PFKL: variants seen among roughly 807,000 people sequenced by gnomAD.
PFKL encodes phosphofructokinase, liver type, also known as ATP-dependent 6-phosphofructokinase, liver type.
In PFKL, 74 loss-of-function variants were observed where a neutral mutation model predicts 92.1. The observed-to-expected ratio is 0.80, with a 90% CI of 0.67 to 0.97. PFKL has a LOEUF of 0.97. PFKL is among the 50% of genes least tolerant of loss of function. PFKL has a pLI of 0.00. For missense variants in PFKL, 1,028 were observed against 1,116.6 expected (o/e 0.92, Z 1.13); for synonymous variants, 494 against 456.4 (o/e 1.08, Z -1.05).
At chr21:44,326,298 G>T in intron 21 of PFKL, 34 bp downstream of exon 21, 2 of 1,498,946 alleles carry the variant, frequency 1.3e-6, no homozygotes, top group South Asian at 2.3e-5. Flanking sequence ...GAGGCGGGTG[G>T]GGCTGAGGGG....
chr21:44,316,398 G>A, intron 8 of PFKL, 34 bp from the exon 9 acceptor site: 1 of 1,612,186 alleles, frequency 6.2e-7, no homozygotes, highest in Non-Finnish European at 8.5e-7. Context: ...GTGTGGGCTG[G>A]GGCTCAGGGC....
intron 18 of PFKL, 76 bp downstream of exon 18, chr21:44,324,993 C>A: frequency 7.0e-7 from 1 of 1,426,730 alleles, no homozygotes; most frequent in Non-Finnish European, 9.7e-7. Flanking sequence ...TGAGGAGCGG[C>A]TGGGCAGGAG....
At chr21:44,308,962 G>A (rs529088405) in intron 2 of PFKL, among the ~76,000 whole-genome samples, 30 of 152,250 alleles carry the variant, frequency 2.0e-4, no homozygotes, top group African/African-American at 6.7e-4. Flanking sequence ...TTCTTCCTAC[G>A]ATGACCTCAG....
At chr21:44,318,201 C>T (rs1484406053) in intron 9 of PFKL, among the ~76,000 whole-genome samples, 4 of 152,340 alleles carry the variant, frequency 2.6e-5, no homozygotes, top group South Asian at 2.1e-4. Flanking sequence ...CAGCGAGCGA[C>T]GGTGGGTGGG....
chr21:44,325,048 C>T, intron 18 of PFKL, 105 bp from the exon 19 acceptor site: 3 of 1,186,326 alleles, frequency 2.5e-6, no homozygotes, highest in Non-Finnish European at 3.7e-6. Flanking sequence ...GGCGGCTTTC[C>T]TGGGAGCTGC....
In PFKL at chr21:44,324,504, TCAAA is replaced by T. The variant is rs1161208477; in HGVS notation, c.1667_1670del (p.Lys556SerfsTer26). 3 of 1,613,230 alleles carry T rather than the reference TCAAA, an allele frequency of 1.9e-6. No individual in the cohort carries two copies. The highest frequency in any genetic ancestry group is 1.1e-5 in the South Asian group (1 of 91,068). ...CTTGTCCCCCAGAGCTGTGACCGCA[TCAAA>T]CAGTCTGCCTCGGGGACCAAGCGCC... On this transcript the variant is annotated frameshift_variant, in exon 17 of 22. Transcript: ENST00000349048. LOFTEE classifies it high-confidence loss of function.
chr21:44,306,022 C>T, intron 1 of PFKL: 1 of 1,150,338 alleles, frequency 8.7e-7, no homozygotes, highest in Non-Finnish European at 1.2e-6. Flanking sequence ...TCCCCCATCT[C>T]ATTGCGGAGG....
chr21:44,314,376 C>A, intron 7 of PFKL: 1 of 270,168 alleles, frequency 3.7e-6, no homozygotes, highest in South Asian at 5.5e-5. Context: ...GTGGCCCCAG[C>A]AAGGTCCAGA....
chr21:44,311,371 C>A (rs982869000), intron 3 of PFKL, among the ~76,000 whole-genome samples: 22 of 152,008 alleles, frequency 1.4e-4, no homozygotes, highest in African/African-American at 5.3e-4. Context: ...CACAGACACA[C>A]AGACGCGCAC....
intron 1 of PFKL, among the ~76,000 whole-genome samples, chr21:44,303,445 AAAAAAAAAAAT>A (rs1253817659): frequency 6.7e-6 from 1 of 149,298 alleles, no homozygotes; most frequent in African/African-American, 2.5e-5. Context: ...AAAAAAAAAA[AAAAAAAAAAAT>A]GGCCCGGCCT....
At position 44,326,167 on chromosome 21, in the gene PFKL, T is replaced by G. The variant is rs1336137588; in HGVS notation, c.2098T>G (p.Phe700Val). The G allele has an allele frequency of 6.2e-7, 1 of 1,612,650 alleles. No individual in the cohort carries two copies. Among genetic ancestry groups the G allele is most frequent in the South Asian group, 1.1e-5 (1 of 90,938 alleles). The change falls in exon 21 of 22, where the codon TTC (phenylalanine) becomes GTC (valine). Residue 700 changes from phenylalanine to valine, a missense_variant. Physicochemically the swap from Phe to Val is conservative, Grantham distance 50. Transcript: ENST00000349048. ...LREVYRKGRVFANAPDSACVI... is the reference protein window; with the variant it reads ...LREVYRKGRVVANAPDSACVI... ...CGTGCCTCTGTTTGCAGGACGGGTG[T>G]TCGCCAATGCCCCAGACTCGGCCTG...
chr21:44,318,618 C>G, intron 10 of PFKL, 23 bp downstream of exon 10: 1 of 1,451,010 alleles, frequency 6.9e-7, no homozygotes, highest in Non-Finnish European at 9.2e-7. Context: ...CCCCCCCCAT[C>G]AGAACCGCCT....
intron 9 of PFKL, among the ~76,000 whole-genome samples, chr21:44,317,873 G>A (rs954969881): frequency 2.0e-5 from 3 of 152,254 alleles, no homozygotes; most frequent in African/African-American, 4.8e-5. Flanking sequence ...TGTGGAACAC[G>A]GAGGGCTGTC....
chr21:44,302,254 C>G (rs1410319526), intron 1 of PFKL, among the ~76,000 whole-genome samples: 1 of 152,276 alleles, frequency 6.6e-6, no homozygotes, highest in Admixed American at 6.5e-5. Flanking sequence ...CCCCGTGCAG[C>G]TGCAGCGTCT....
intron 14 of PFKL, 37 bp downstream of exon 14, chr21:44,322,240 G>T (rs770639395): frequency 1.1e-5 from 17 of 1,572,678 alleles, no homozygotes; most frequent in African/African-American, 1.3e-5. Flanking sequence ...GGGCAGGAGG[G>T]CCAGGGCGCA....
At chr21:44,313,438 A>G (rs1208964917) in intron 5 of PFKL, among the ~76,000 whole-genome samples, 200 bp from the exon 6 acceptor site, 3 of 152,232 alleles carry the variant, frequency 2.0e-5, no homozygotes, top group Non-Finnish European at 4.4e-5. Flanking sequence ...AATGACCCTC[A>G]GCCTGGGAGG....
chr21:44,316,013 G>C, intron 7 of PFKL: 1 of 560,266 alleles, frequency 1.8e-6, no homozygotes, highest in Non-Finnish European at 3.2e-6. Context: ...CCAGGCTTTC[G>C]GGCAGAGCCC....
At chr21:44,311,481 C>T (rs376931316) in intron 3 of PFKL, among the ~76,000 whole-genome samples, 5 of 152,272 alleles carry the variant, frequency 3.3e-5, no homozygotes, top group East Asian at 3.9e-4. Flanking sequence ...CACACAGATG[C>T]GCACACAGGT....
chr21:44,312,080 G>A, intron 3 of PFKL, 25 bp from the exon 4 acceptor site: 2 of 1,426,434 alleles, frequency 1.4e-6, no homozygotes, highest in Non-Finnish European at 1.8e-6. Context: ...CATCTCTCCT[G>A]AAGTTTCTGG....
Sources: allele counts gnomAD v4.1 joint callset (sites outside exome capture counted in the v4.1 genomes callset), GRCh38; gene constraint gnomAD v4.1.1; transcripts MANE v1.5; gene names NCBI Gene and HGNC (gene_info 2026-07-23, HGNC 2026-07-21).